RC3H2: variants seen among roughly 807,000 people sequenced by gnomAD.
RC3H2 encodes the protein ring finger and CCCH-type domains 2, also known as roquin-2.
Under a neutral mutation model 133.3 loss-of-function variants are expected in RC3H2, and 31 were observed. The ratio of observed to expected loss-of-function variants is 0.23; its 90% CI spans 0.17 to 0.31. RC3H2 has a LOEUF of 0.31. RC3H2 is among the 10% of genes least tolerant of loss of function. RC3H2 has a pLI of 1.00. For missense variants in RC3H2, 1,175 were observed against 1,437.2 expected (o/e 0.82, Z 2.95); for synonymous variants, 517 against 502.2 (o/e 1.03, Z -0.40).
chr9:122,904,575 C>T (rs1588122435), intron 1 of RC3H2, among the ~76,000 whole-genome samples: 1 of 152,210 alleles, frequency 6.6e-6, no homozygotes, highest in East Asian at 1.9e-4. Flanking sequence ...GCCATTGCTC[C>T]TAGCCACAAC....
Position 122,857,937 on chromosome 9 carries a change from C to T in RC3H2, c.2440G>A (p.Asp814Asn), listed in dbSNP as rs1191573693. The T allele has an allele frequency of 6.2e-7, 1 of 1,613,462 alleles. No individual in the cohort carries two copies. Among genetic ancestry groups the T allele is most frequent in the African/African-American group, 1.3e-5 (1 of 74,908 alleles). Reference protein sequence around the residue: ...PTPPSPLFSVDFRADFSESVS... With the variant: ...PTPPSPLFSVNFRADFSESVS... The stretch of plus-strand genomic sequence containing the variant: ...ACCTTTCTTACATCCGCACGAAAGT[C>T]TACACTGAACAGAGGAGAAGGTGGT... Residue 814 changes from aspartate (D) to asparagine (N), a missense_variant, in exon 13 of 21, where the codon GAC becomes AAC. Around this residue, in one of 8 missense-constraint regions of RC3H2, gnomAD observed 490 missense variants for 492.8 expected, o/e 0.99. Transcript: ENST00000357244.
intron 9 of RC3H2, chr9:122,875,219 G>A (rs753019153): frequency 6.4e-7 from 1 of 1,551,152 alleles, no homozygotes; most frequent in South Asian, 1.2e-5. Flanking sequence ...AAACTGAGAA[G>A]AGAAGCATGT....
chr9:122,887,404 T>C (rs1831963382), intron 4 of RC3H2, among the ~76,000 whole-genome samples: 1 of 152,056 alleles, frequency 6.6e-6, no homozygotes, highest in African/African-American at 2.4e-5. Context: ...CCCTCCTCTC[T>C]TTCTCTGGGG....
chr9:122,891,482 C>T (rs560363257), intron 3 of RC3H2, among the ~76,000 whole-genome samples: 1 of 152,292 alleles, frequency 6.6e-6, no homozygotes, highest in Admixed American at 6.5e-5. Context: ...CTGAAACCCA[C>T]CCCAATCAAA....
At chr9:122,863,822 C>G (rs1460263618) in intron 10 of RC3H2, among the ~76,000 whole-genome samples, 1 of 152,122 alleles carries the variant, frequency 6.6e-6, no homozygotes, top group Non-Finnish European at 1.5e-5. Context: ...CTGCAACCTC[C>G]ACCTCCCAGG....
At chr9:122,850,059 C>G (rs1330942229) in intron 20 of RC3H2, among the ~76,000 whole-genome samples, 1 of 151,842 alleles carries the variant, frequency 6.6e-6, no homozygotes, top group South Asian at 2.1e-4. Flanking sequence ...TCAATGCAAC[C>G]TCTGCCTCCT....
At chr9:122,895,002 T>C (rs1431569580) in intron 2 of RC3H2, among the ~76,000 whole-genome samples, 4 of 152,162 alleles carry the variant, frequency 2.6e-5, no homozygotes, top group Non-Finnish European at 4.4e-5. Flanking sequence ...AAGAAGCCAG[T>C]GTAGCTTAAG....
chr9:122,858,078 A>G lies in RC3H2; in HGVS notation c.2299T>C (p.Leu767=). 1 of 1,614,158 alleles carries G rather than the reference A, an allele frequency of 6.2e-7. No individual in the cohort carries two copies. The highest frequency in any genetic ancestry group is 8.5e-7 in the Non-Finnish European group (1 of 1,179,998). The change falls in exon 13 of 21, where the codon TTG becomes CTG. Residue 767 remains leucine, a synonymous_variant. Transcript: ENST00000357244. ...ATCTGCTCCTCGCAACTGGTCTTCAAATGACCACAAGGTTCCTAATGGGGG... is the reference window on the plus strand; with the variant it reads ...ATCTGCTCCTCGCAACTGGTCTTCAGATGACCACAAGGTTCCTAATGGGGG... ...VPLPREPCGH[L]KTSCEEQIRR...
intron 10 of RC3H2, among the ~76,000 whole-genome samples, chr9:122,862,891 CA>C (rs1168612532): frequency 5.7e-3 from 273 of 48,166 alleles, no homozygotes; most frequent in East Asian, 9.8e-3. Context: ...GACTCCATCT[CA>C]AAAAAAAAAA....
chr9:122,857,513 C>T (rs566192943), intron 13 of RC3H2, among the ~76,000 whole-genome samples: 1 of 152,296 alleles, frequency 6.6e-6, no homozygotes, highest in African/African-American at 2.4e-5. Flanking sequence ...GGGCAAATTA[C>T]TTAACTTCTG....
intron 18 of RC3H2, among the ~76,000 whole-genome samples, chr9:122,852,517 C>G (rs1306377863): frequency 6.8e-6 from 1 of 147,210 alleles, no homozygotes; most frequent in Non-Finnish European, 1.5e-5. Flanking sequence ...CCAGCCGCCC[C>G]GTCCGGGAGG....
chr9:122,857,948 AGAG>A lies in RC3H2; in HGVS notation c.2426_2428del (p.Pro809del), dbSNP rs761309135. On this transcript the variant is annotated inframe_deletion, in exon 13 of 21. Transcript: ENST00000357244. ...ATCCGCACGAAAGTCTACACTGAAC[AGAG>A]GAGAAGGTGGTGTTGGTGACTGTGT... is the stretch of plus-strand genomic sequence containing the variant. The A allele has an allele frequency of 3.3e-5, 54 of 1,614,190 alleles. No individual in the cohort carries two copies. In the East Asian group the frequency reaches 1.1e-3, roughly 33 times the overall value.
intron 8 of RC3H2, among the ~76,000 whole-genome samples, chr9:122,877,836 T>C (rs1165186891): frequency 6.6e-6 from 1 of 152,216 alleles, no homozygotes; most frequent in African/African-American, 2.4e-5. Context: ...ATTTATTCAT[T>C]AGTTAACAGA....
chr9:122,849,753 A>C lies in RC3H2; in HGVS notation c.3450T>G (p.Asn1150Lys). The change falls in exon 21 of 21, where the codon AAT (asparagine) becomes AAG (lysine). Residue 1150 changes from asparagine to lysine, a missense_variant. Transcript: ENST00000357244. ...FSQPLPVSISNASCLPITTSV... is the reference protein window; with the variant it reads ...FSQPLPVSISKASCLPITTSV... The stretch of plus-strand genomic sequence containing the variant: ...ATGTGGTGATGGGGAGGCAACTTGC[A>C]TTGCTAATAGACACTGGGAGTGGCT... The C allele has an allele frequency of 1.2e-6, 2 of 1,609,910 alleles. No individual in the cohort carries two copies. Among genetic ancestry groups the C allele is most frequent in the Non-Finnish European group, 1.7e-6 (2 of 1,177,824 alleles).
chr9:122,870,719 C>T (rs760752197), intron 9 of RC3H2, among the ~76,000 whole-genome samples: 1 of 152,120 alleles, frequency 6.6e-6, no homozygotes, highest in Non-Finnish European at 1.5e-5. Context: ...CGTAACTCTC[C>T]CTATTCTTTT....
intron 9 of RC3H2, chr9:122,875,199 G>A: frequency 6.4e-7 from 1 of 1,551,092 alleles, no homozygotes; most frequent in Non-Finnish European, 8.7e-7. Context: ...GGCACTTCAA[G>A]TGGGGAAAAA....
At position 122,897,483 on chromosome 9, in the gene RC3H2, T is replaced by C. The variant is rs1438872388; in HGVS notation, c.27A>G (p.Thr9=). 1 of 1,613,972 alleles carries C rather than the reference T, an allele frequency of 6.2e-7. No homozygotes were observed. The highest frequency in any genetic ancestry group is 2.2e-5 in the East Asian group (1 of 44,894). The change falls in exon 2 of 21, where the codon ACA becomes ACG. Residue 9 remains threonine (T), a synonymous_variant. Coordinates refer to ENST00000357244, the MANE Select transcript of RC3H2 (RefSeq NM_001100588.3). MPVQAAQW[T]EFLSCPICYN... ...AGCAGATTGGACAGGACAGAAATTCTGTCCATTGAGCTGCCTGCACAGGCA... is the reference window on the plus strand; with the variant it reads ...AGCAGATTGGACAGGACAGAAATTCCGTCCATTGAGCTGCCTGCACAGGCA...
In RC3H2 at chr9:122,854,377, G is replaced by A; in HGVS notation, c.2901-111C>T. Reference sequence around the variant, plus strand: ...ATCAACCCTGAAAACTTCACTCATCGTTCCAAATTTAAATGCAAATATTTT... The same window carrying A: ...ATCAACCCTGAAAACTTCACTCATCATTCCAAATTTAAATGCAAATATTTT... On this transcript the variant is annotated intron_variant, in intron 16 of 20. Transcript: ENST00000357244. The A allele has an allele frequency of 4.2e-6, 5 of 1,194,920 alleles. 1 individual carries two copies. Among genetic ancestry groups the A allele is most frequent in the African/African-American group, 1.5e-5 (1 of 65,264 alleles). 74.0% of individuals were successfully genotyped at this position (1,194,920 alleles called of 1,614,324 possible). A position where few individuals can be genotyped will look rare whatever the true frequency, so the allele number is the denominator to read the frequency against.
chr9:122,867,462 G>A (rs1257664528), intron 9 of RC3H2, among the ~76,000 whole-genome samples: 2 of 149,376 alleles, frequency 1.3e-5, no homozygotes, highest in East Asian at 4.0e-4. Flanking sequence ...GAGGTGGGGG[G>A]GTCAGCCCCC....
Sources: allele counts gnomAD v4.1 joint callset (sites outside exome capture counted in the v4.1 genomes callset), GRCh38; gene constraint gnomAD v4.1.1; regional missense constraint gnomAD v4.1.1; transcripts MANE v1.5; gene names NCBI Gene and HGNC (gene_info 2026-07-23, HGNC 2026-07-21).